RAP1A: variants seen among roughly 807,000 people sequenced by gnomAD.
RAP1A encodes RAP1A, member of RAS oncogene family.
Under a neutral mutation model 26.4 loss-of-function variants are expected in RAP1A, and 6 were observed. The ratio of observed to expected loss-of-function variants is 0.23; its 90% CI spans 0.12 to 0.45. RAP1A has a LOEUF of 0.45. Among genes scored for constraint, RAP1A ranks in the 20% least tolerant of loss-of-function variants. RAP1A has a pLI of 0.99. For synonymous variants in RAP1A, 73 were observed against 79.4 expected (o/e 0.92, Z 0.43); for missense variants, 121 against 217.2 (o/e 0.56, Z 2.78).
At chr1:111,698,943 T>TC (rs1463581700) in intron 4 of RAP1A, among the ~76,000 whole-genome samples, 1 of 58,064 alleles carries the variant, frequency 1.7e-5, no homozygotes, top group Non-Finnish European at 4.6e-5. Flanking sequence ...TACTTTCTGC[T>TC]TTTTTTTTTT....
chr1:111,571,309 G>C (rs1416717765), intron 1 of RAP1A, among the ~76,000 whole-genome samples: 1 of 152,184 alleles, frequency 6.6e-6, no homozygotes, highest in Non-Finnish European at 1.5e-5. Context: ...GTGTTCACCA[G>C]CCCAGAAGCT....
chr1:111,551,523 T>A (rs935936116), intron 1 of RAP1A, among the ~76,000 whole-genome samples: 10 of 152,216 alleles, frequency 6.6e-5, no homozygotes, highest in African/African-American at 2.4e-4. Context: ...TCCTATATAG[T>A]TCAGTTTCTT....
At chr1:111,543,222 A>G (rs1656908694) in intron 1 of RAP1A, among the ~76,000 whole-genome samples, 1 of 152,170 alleles carries the variant, frequency 6.6e-6, no homozygotes, top group African/African-American at 2.4e-5. Flanking sequence ...AGATCAAACT[A>G]CAGTGATTCT....
At chr1:111,682,439 G>T (rs552678176) in intron 1 of RAP1A, among the ~76,000 whole-genome samples, 1 of 151,124 alleles carries the variant, frequency 6.6e-6, no homozygotes, top group African/African-American at 2.4e-5. Context: ...CCCATCTCAT[G>T]TGCAAAGACA....
At chr1:111,697,553 T>G in intron 4 of RAP1A, 56 bp downstream of exon 4, 1 of 1,602,036 alleles carries the variant, frequency 6.2e-7, no homozygotes, top group Middle Eastern at 1.7e-4. Context: ...GGTTTTGTCA[T>G]CTGAGTAGGT....
chr1:111,613,664 C>T (rs1658965857), intron 1 of RAP1A, among the ~76,000 whole-genome samples: 1 of 152,212 alleles, frequency 6.6e-6, no homozygotes, highest in Non-Finnish European at 1.5e-5. Context: ...AAGACTTGGA[C>T]AACACCTGGA....
intron 1 of RAP1A, among the ~76,000 whole-genome samples, chr1:111,558,367 T>G (rs1016119940): frequency 6.9e-6 from 1 of 145,476 alleles, no homozygotes; most frequent in Non-Finnish European, 1.5e-5. Flanking sequence ...TTTTTTTTTG[T>G]CTTAAGACAG....
chr1:111,673,331 T>G (rs1478958788), intron 1 of RAP1A, among the ~76,000 whole-genome samples: 2 of 152,162 alleles, frequency 1.3e-5, no homozygotes, highest in Admixed American at 6.5e-5. Flanking sequence ...TGTAAAAAAT[T>G]TTTCTCCAAA....
intron 1 of RAP1A, among the ~76,000 whole-genome samples, chr1:111,647,409 G>C (rs1287053799): frequency 2.6e-5 from 4 of 152,052 alleles, no homozygotes; most frequent in Non-Finnish European, 4.4e-5. Context: ...TAGAAAGAAA[G>C]TGCACAATAA....
At chr1:111,674,338 C>T (rs1217019874) in intron 1 of RAP1A, among the ~76,000 whole-genome samples, 1 of 151,344 alleles carries the variant, frequency 6.6e-6, no homozygotes, top group East Asian at 1.9e-4. Context: ...GTATAAGATG[C>T]CTAGTGTCCC....
chr1:111,577,255 A>G (rs143898040), intron 1 of RAP1A, among the ~76,000 whole-genome samples: 104 of 152,066 alleles, frequency 6.8e-4, no homozygotes, highest in African/African-American at 2.4e-3. Flanking sequence ...ATACAAAATT[A>G]GCTGGGTGTG....
At chr1:111,628,202 T>C (rs1009923929) in intron 1 of RAP1A, among the ~76,000 whole-genome samples, 2 of 152,178 alleles carry the variant, frequency 1.3e-5, no homozygotes, top group Non-Finnish European at 2.9e-5. Context: ...TTCGTTAAAT[T>C]TGTTTTTTCT....
chr1:111,620,549 T>G (rs151194700), intron 1 of RAP1A, among the ~76,000 whole-genome samples: 3 of 152,254 alleles, frequency 2.0e-5, no homozygotes, highest in Non-Finnish European at 2.9e-5. Flanking sequence ...GGCTCACTTC[T>G]GTCAGGGTTC....
chr1:111,629,072 T>C (rs1659486981), intron 1 of RAP1A, among the ~76,000 whole-genome samples: 1 of 152,150 alleles, frequency 6.6e-6, no homozygotes, highest in South Asian at 2.1e-4. Context: ...TTCTTCTGCA[T>C]GTGGTTTTTG....
intron 1 of RAP1A, among the ~76,000 whole-genome samples, chr1:111,594,734 C>G (rs887000687): frequency 6.6e-6 from 1 of 152,090 alleles, no homozygotes; most frequent in Non-Finnish European, 1.5e-5. Flanking sequence ...CTCACCTGAG[C>G]CCACTGATGA....
intron 1 of RAP1A, among the ~76,000 whole-genome samples, chr1:111,544,017 T>C (rs1314748065): frequency 1.3e-5 from 2 of 152,242 alleles, no homozygotes. Context: ...AGGCATCTAT[T>C]GGAAGTCATA....
intron 1 of RAP1A, among the ~76,000 whole-genome samples, chr1:111,559,019 C>T (rs1657627183): frequency 6.6e-6 from 1 of 152,078 alleles, no homozygotes; most frequent in African/African-American, 2.4e-5. Flanking sequence ...AGACCAAGTT[C>T]TCTGAACATA....
At chr1:111,644,601 C>CCCAATAAAGTGTCA (rs773022291) in intron 1 of RAP1A, among the ~76,000 whole-genome samples, 58 of 152,106 alleles carry the variant, frequency 3.8e-4, no homozygotes, top group Non-Finnish European at 1.3e-4. Flanking sequence ...AAGGCTGTTA[C>CCCAATAAAGTGTCA]CAAAAGAAGG....
intron 1 of RAP1A, among the ~76,000 whole-genome samples, chr1:111,614,660 G>C (rs1207805303): frequency 6.6e-6 from 1 of 152,150 alleles, no homozygotes; most frequent in Non-Finnish European, 1.5e-5. Flanking sequence ...TGTTAGAAAA[G>C]TTGCTTCCAG....
Sources: gnomAD v4.1 joint callset for allele counts (sites outside exome capture counted in the v4.1 genomes callset) on GRCh38, gnomAD v4.1.1 for gene constraint, MANE v1.5 for transcripts, NCBI Gene and HGNC (gene_info 2026-07-23, HGNC 2026-07-21) for gene names.